The following SDAD1 variants were observed in gnomAD, a reference collection of about 807,000 sequenced individuals.
SDAD1 encodes the protein protein SDA1 homolog.
SDAD1 carries 79 observed loss-of-function variants against 100.3 expected under a neutral mutation model. That is an observed-to-expected ratio of 0.79 (90% CI 0.66 to 0.95). The LOEUF (loss-of-function observed/expected upper bound fraction) is 0.95, where lower values mean the gene tolerates loss of function less well. Ranked by LOEUF, SDAD1 falls within the 40% of genes least tolerant of loss-of-function variation. The probability of loss-of-function intolerance (pLI) is 0.00; values close to 1 mark genes in which losing one functional copy is unlikely to be tolerated. For synonymous variants in SDAD1, 267 were observed against 271.4 expected, an observed-to-expected ratio of 0.98 and a Z score of 0.16; for missense variants, 790 against 810.9, an observed-to-expected ratio of 0.97 and a Z score of 0.31.
chr4:75,966,868 C>A (rs1187620132), intron 12 of SDAD1, among the ~76,000 whole-genome samples: 1 of 152,150 alleles, frequency 6.6e-6, no homozygotes, highest in Non-Finnish European at 1.5e-5. Flanking sequence ...CTCCTGGGTT[C>A]AAGCGATTCT....
chr4:75,990,469 T>C (rs113160025), intron 1 of SDAD1, among the ~76,000 whole-genome samples: 56 of 152,316 alleles, frequency 3.7e-4, no homozygotes, highest in African/African-American at 1.3e-3. Flanking sequence ...TCCACTTCCG[T>C]GCGGACGAAG....
intron 21 of SDAD1, among the ~76,000 whole-genome samples, chr4:75,954,217 T>C (rs148461522): frequency 0.01 from 1,547 of 151,978 alleles, 26 homozygotes; most frequent in African/African-American, 0.035. Context: ...CCGTCTCTAC[T>C]AAAAATACAA....
At position 75,966,547 on chromosome 4, in the gene SDAD1, C is replaced by G. The variant is rs144340672; in HGVS notation, c.1046-725G>C. On this transcript the variant is annotated intron_variant, in intron 12 of 21. Coordinates refer to ENST00000356260, the MANE Select transcript of SDAD1 (RefSeq NM_018115.4). The stretch of plus-strand genomic sequence containing the variant: ...TGAATAAATGTTAGTTTCCTTCCTA[C>G]TTTGGTTCAGGTTCAAAGACAAGAA... Among the ~76,000 whole-genome samples the G allele has an allele frequency of 4.2e-4, 64 of 152,276 alleles. No individual in the cohort carries two copies. In the East Asian group the frequency reaches 0.011, roughly 27 times the overall value.
chr4:75,960,766 G>T (rs969933734), intron 16 of SDAD1, among the ~76,000 whole-genome samples: 8 of 152,120 alleles, frequency 5.3e-5, no homozygotes, highest in Non-Finnish European at 1.0e-4. Context: ...TTGAGATTCC[G>T]ATCTGTTAAT....
chr4:75,973,171 T>G (rs951275433), intron 8 of SDAD1, 146 bp downstream of exon 8: 2 of 584,372 alleles, frequency 3.4e-6, no homozygotes, highest in African/African-American at 3.7e-5. Flanking sequence ...AAATTCCAAG[T>G]AGAGTAAAAT....
chr4:75,982,024 T>C lies in SDAD1; in HGVS notation c.104A>G (p.Tyr35Cys), dbSNP rs570212922. ...CTCCACATTGGATTTGTAGTGATTA[T>C]ACTGCTGTAGAAACTGCAGAAAAAT... is the stretch of plus-strand genomic sequence containing the variant. ...PAYIEEFLQQ[Y>C]NHYKSNVEIF... The change falls in exon 2 of 22, where the codon TAT (tyrosine) becomes TGT (cysteine). Residue 35 changes from tyrosine (Y) to cysteine (C), a missense_variant. By Grantham distance (194) the Tyr-to-Cys change is radical (BLOSUM62 -2). Transcript: ENST00000356260. 1.9e-6 allele frequency: 3 copies of C among 1,607,820 alleles called. No homozygotes were observed. The highest frequency in any genetic ancestry group is 4.5e-5 in the East Asian group (2 of 44,766).
rs371734782 is a variant in SDAD1, at chr4:75,967,207, A to G, written c.1045+70T>C. On this transcript the variant is annotated intron_variant, in intron 12 of 21. Coordinates refer to ENST00000356260, the MANE Select transcript of SDAD1 (RefSeq NM_018115.4). The stretch of plus-strand genomic sequence containing the variant: ...CTGCACTCCTGTCTTTAGTGATTCC[A>G]GAACAAAAGACTTTGCATGTTTATT... 9.7e-6 allele frequency: 14 copies of G among 1,438,002 alleles called. No homozygotes were observed. The African/African-American group carries it at 1.4e-4, about 14-fold the overall frequency. The allele number at this position is 1,438,002 out of a possible 1,614,324, so 89.1% of individuals were successfully genotyped here.
chr4:75,950,699 G>T lies in SDAD1; in HGVS notation c.*51C>A. 1.5e-6 allele frequency: 2 copies of T among 1,322,382 alleles called. No homozygotes were observed. The highest frequency in any genetic ancestry group is 2.1e-6 in the Non-Finnish European group (2 of 930,428). 81.9% of individuals were successfully genotyped at this position (1,322,382 alleles called of 1,614,324 possible). A position where few individuals can be genotyped will look rare whatever the true frequency, so the allele number is the denominator to read the frequency against. On this transcript the variant is annotated 3_prime_UTR_variant, in exon 22 of 22. Transcript: ENST00000356260. The stretch of plus-strand genomic sequence containing the variant: ...CATGCTTGATTTACCAATTTTCAGA[G>T]CAAGGACACAAACTTAGCATTCTTC...
chr4:75,974,029 C>T, intron 7 of SDAD1, 47 bp downstream of exon 7: 8 of 1,524,532 alleles, frequency 5.2e-6, no homozygotes, highest in Non-Finnish European at 6.4e-6. Context: ...CATGCAGAAG[C>T]AGACCATCCA....
In SDAD1 at chr4:75,977,766, GA is replaced by G. The variant is rs937791133; in HGVS notation, c.295-11del. The G allele has an allele frequency of 1.3e-6, 2 of 1,513,334 alleles. No homozygotes were observed. Among genetic ancestry groups the G allele is most frequent in the Non-Finnish European group, 1.8e-6 (2 of 1,094,646 alleles). The allele number at this position is 1,513,334 out of a possible 1,614,324, so 93.7% of individuals were successfully genotyped here. A position where few individuals can be genotyped will look rare whatever the true frequency, so the allele number is the denominator to read the frequency against. ...AAGCTTTGCAAAATGTCTCGGGAAG[GA>G]AAAAAACATACCATAAGACAATGGT... On this transcript the variant is annotated splice_polypyrimidine_tract_variant and intron_variant, in intron 3 of 21. Transcript: ENST00000356260.
Position 75,966,755 on chromosome 4 carries a change from TTTG to T in SDAD1, c.1045+519_1045+521del, listed in dbSNP as rs1019010624. Among the ~76,000 whole-genome samples the T allele has an allele frequency of 3.9e-5, 6 of 152,064 alleles. No homozygotes were observed. In the East Asian group the frequency reaches 5.8e-4, roughly 15 times the overall value. The stretch of plus-strand genomic sequence containing the variant: ...AAGAAGACTTGCTTTGAGAAACCAA[TTTG>T]TTGTTGTTGTTTTCTTTTCTTTTCT... On this transcript the variant is annotated intron_variant, in intron 12 of 21. Transcript: ENST00000356260.
intron 12 of SDAD1, among the ~76,000 whole-genome samples, chr4:75,966,415 T>C (rs1251246596): frequency 3.3e-5 from 5 of 152,154 alleles, no homozygotes; most frequent in African/African-American, 1.2e-4. Flanking sequence ...TGAGTGACTC[T>C]AGTCTTTTTT....
At chr4:75,987,061 C>T (rs1051839929) in intron 1 of SDAD1, among the ~76,000 whole-genome samples, 5 of 152,180 alleles carry the variant, frequency 3.3e-5, no homozygotes, top group Admixed American at 2.0e-4. Context: ...TCTGTACCTT[C>T]TACTCTATTT....
At chr4:75,965,424 C>G (rs1220089883) in intron 13 of SDAD1, among the ~76,000 whole-genome samples, 1 of 152,160 alleles carries the variant, frequency 6.6e-6, no homozygotes, top group Non-Finnish European at 1.5e-5. Context: ...CTCCATTTGC[C>G]TTGTAATATT....
Position 75,965,690 on chromosome 4 carries a change from A to G in SDAD1, c.1104+74T>C, listed in dbSNP as rs1235098407. On this transcript the variant is annotated intron_variant, in intron 13 of 21. Coordinates refer to ENST00000356260, the MANE Select transcript of SDAD1 (RefSeq NM_018115.4). The stretch of plus-strand genomic sequence containing the variant: ...GAATTATCGGGGGCAGGTTCCCCCG[A>G]TAGACCCTGAAGTACCTAACAGTAA... 6 of 1,239,276 alleles carry G rather than the reference A, an allele frequency of 4.8e-6. No individual in the cohort carries two copies. In the South Asian group the frequency reaches 4.9e-5, roughly 10 times the overall value. 76.8% of individuals were successfully genotyped at this position (1,239,276 alleles called of 1,614,324 possible).
intron 12 of SDAD1, among the ~76,000 whole-genome samples, chr4:75,966,992 C>T (rs1729584088): frequency 6.6e-6 from 1 of 152,194 alleles, no homozygotes; most frequent in Non-Finnish European, 1.5e-5. Context: ...GTCTTGAACT[C>T]CTGACCTCAG....
rs780164536 is a variant in SDAD1 at position 75,955,953 on chromosome 4, C to T, written c.2016+22G>A. 5 of 1,579,582 alleles carry T rather than the reference C, an allele frequency of 3.2e-6. No individual in the cohort carries two copies. In the South Asian group the frequency reaches 4.7e-5, roughly 15 times the overall value. On this transcript the variant is annotated intron_variant, in intron 21 of 21. Coordinates refer to ENST00000356260, the MANE Select transcript of SDAD1 (RefSeq NM_018115.4). ...GGAATTACAGTGCTGTTCTTGCCAC[C>T]CAAGCTTCAAGTGGAACTCACCTGT... is the stretch of plus-strand genomic sequence containing the variant.
intron 9 of SDAD1, among the ~76,000 whole-genome samples, chr4:75,970,807 G>A (rs937837799): frequency 1.3e-5 from 2 of 152,158 alleles, no homozygotes; most frequent in Admixed American, 1.3e-4. Context: ...GTGTTTGGCA[G>A]ATCTCCTGTA....
chr4:75,970,713 G>A (rs1396244944), intron 9 of SDAD1, among the ~76,000 whole-genome samples: 2 of 152,210 alleles, frequency 1.3e-5, no homozygotes, highest in East Asian at 3.8e-4. Context: ...GAGGGACCTC[G>A]TGGGAAGTTA....
Sources: allele counts gnomAD v4.1 joint callset (sites outside exome capture counted in the v4.1 genomes callset), GRCh38; gene constraint gnomAD v4.1.1; transcripts MANE v1.5; gene names NCBI Gene and HGNC (gene_info 2026-07-23, HGNC 2026-07-21).